The following GRIN3A variants were observed in gnomAD, a reference collection of about 807,000 sequenced individuals.
The protein encoded by GRIN3A is glutamate ionotropic receptor NMDA type subunit 3A.
Under a neutral mutation model 92.4 loss-of-function variants are expected in GRIN3A, and 47 were observed. That is an observed-to-expected ratio of 0.51 (90% CI 0.40 to 0.65). GRIN3A has a LOEUF of 0.65. GRIN3A is among the 30% of genes least tolerant of loss of function. The probability of loss-of-function intolerance (pLI) is 0.00; values close to 1 mark genes in which losing one functional copy is unlikely to be tolerated. For synonymous variants in GRIN3A, 527 were observed against 540.6 expected, an observed-to-expected ratio of 0.97 and a Z score of 0.35; for missense variants, 1,324 against 1,393.1, an observed-to-expected ratio of 0.95 and a Z score of 0.79.
chr9:101,677,431 A>G (rs62576304), intron 2 of GRIN3A, among the ~76,000 whole-genome samples: 35,588 of 151,634 alleles, frequency 0.23, 4,510 homozygotes, highest in East Asian at 0.56. Flanking sequence ...TTTGTATAGC[A>G]GAAATGCCAA....
intron 1 of GRIN3A, among the ~76,000 whole-genome samples, chr9:101,719,638 G>A (rs1829987662): frequency 6.6e-6 from 1 of 152,070 alleles, no homozygotes; most frequent in Admixed American, 6.6e-5. Context: ...TGAGCTCAGG[G>A]CTAAATCCTG....
chr9:101,695,439 C>T (rs1337003226), intron 1 of GRIN3A, among the ~76,000 whole-genome samples: 1 of 152,138 alleles, frequency 6.6e-6, no homozygotes, highest in Non-Finnish European at 1.5e-5. Flanking sequence ...CAGTTTGAGC[C>T]AGTCTAAAAG....
intron 2 of GRIN3A, among the ~76,000 whole-genome samples, chr9:101,685,446 A>C (rs1389355593): frequency 6.6e-6 from 1 of 151,934 alleles, no homozygotes; most frequent in Non-Finnish European, 1.5e-5. Context: ...GCCTAAAAAC[A>C]GGGCCTAGTC....
chr9:101,687,265 CT>C, intron 1 of GRIN3A, 65 bp from the exon 2 acceptor site: 1 of 1,519,178 alleles, frequency 6.6e-7, no homozygotes, highest in Admixed American at 1.7e-5. Flanking sequence ...ACATAGGGTA[CT>C]TTTGCTTTCT....
Position 101,608,324 on chromosome 9 carries a change from A to G in GRIN3A, c.2766+5052T>C, listed in dbSNP as rs571011535. Among the ~76,000 whole-genome samples, 4 of 152,246 alleles carry G rather than the reference A, an allele frequency of 2.6e-5. No individual in the cohort carries two copies. In the South Asian group the frequency reaches 8.3e-4, roughly 32 times the overall value. ...GCCCAACATTGCCTGGACAAGCACA[A>G]CTTGATCCTGATATTAGCCTTTTAT... is the stretch of plus-strand genomic sequence containing the variant. On this transcript the variant is annotated intron_variant, in intron 6 of 8. Coordinates refer to ENST00000361820, the MANE Select transcript of GRIN3A (RefSeq NM_133445.3).
At chr9:101,721,485 C>T (rs564137340) in intron 1 of GRIN3A, among the ~76,000 whole-genome samples, 31 of 152,178 alleles carry the variant, frequency 2.0e-4, no homozygotes, top group Admixed American at 1.5e-3. Flanking sequence ...AATGTGGAAG[C>T]GACTTTGGAA....
chr9:101,700,536 A>G (rs1459103474), intron 1 of GRIN3A, among the ~76,000 whole-genome samples: 1 of 152,170 alleles, frequency 6.6e-6, no homozygotes, highest in Non-Finnish European at 1.5e-5. Flanking sequence ...TGCAAACTCA[A>G]TGTGTGTCCT....
chr9:101,590,440 G>C (rs1471534443), intron 6 of GRIN3A, among the ~76,000 whole-genome samples: 1 of 151,798 alleles, frequency 6.6e-6, no homozygotes, highest in African/African-American at 2.4e-5. Context: ...GGAGTGCAGT[G>C]GTGTGATCTC....
At chr9:101,644,115 A>T (rs1828901801) in intron 3 of GRIN3A, among the ~76,000 whole-genome samples, 1 of 151,944 alleles carries the variant, frequency 6.6e-6, no homozygotes, top group Non-Finnish European at 1.5e-5. Flanking sequence ...CATATATAAA[A>T]CATGTTAGAA....
At chr9:101,701,252 G>A (rs1240701759) in intron 1 of GRIN3A, among the ~76,000 whole-genome samples, 1 of 152,102 alleles carries the variant, frequency 6.6e-6, no homozygotes, top group African/African-American at 2.4e-5. Context: ...ACATGTGCAG[G>A]ATGTGCAGAT....
chr9:101,684,321 C>T (rs1829503719), intron 2 of GRIN3A, among the ~76,000 whole-genome samples: 1 of 132,104 alleles, frequency 7.6e-6, no homozygotes, highest in Non-Finnish European at 1.5e-5. Context: ...ACCATATTGG[C>T]CAGGATGGTC....
At chr9:101,602,852 AG>A (rs1026864775) in intron 6 of GRIN3A, 4 of 147,778 alleles carry the variant, frequency 2.7e-5, no homozygotes, top group East Asian at 2.1e-4. Flanking sequence ...GATGATACGG[AG>A]GGAGGGGAAA....
chr9:101,670,966 G>T lies in GRIN3A; in HGVS notation c.1446C>A (p.Gly482=). ...TGACAATCTTTCCCCCCTGCCAGCT[G>T]CCCAAGCGGGTCCACATTGGCTTTC... ...PMGKPMWTRL[G]SWQGGKIVMD... Residue 482 remains glycine (G), a synonymous_variant, in exon 3 of 9, where the codon GGC becomes GGA. Coordinates refer to ENST00000361820, the MANE Select transcript of GRIN3A (RefSeq NM_133445.3). 1 of 1,613,992 alleles carries T rather than the reference G, an allele frequency of 6.2e-7. No homozygotes were observed. The highest frequency in any genetic ancestry group is 1.1e-5 in the South Asian group (1 of 91,080).
At chr9:101,575,545 T>C in intron 8 of GRIN3A, among the ~76,000 whole-genome samples, 1 of 152,180 alleles carries the variant, frequency 6.6e-6, no homozygotes, top group East Asian at 1.9e-4. Context: ...CCCAGGGCTA[T>C]ATATAAATCA....
At chr9:101,661,810 C>T (rs1378491115) in intron 3 of GRIN3A, among the ~76,000 whole-genome samples, 1 of 151,790 alleles carries the variant, frequency 6.6e-6, no homozygotes, top group East Asian at 1.9e-4. Context: ...ATTGCATAAA[C>T]CCAGCTTCCC....
intron 3 of GRIN3A, among the ~76,000 whole-genome samples, chr9:101,630,884 C>T (rs7027241): frequency 0.032 from 4,927 of 152,242 alleles, 247 homozygotes; most frequent in African/African-American, 0.11. Flanking sequence ...ACCTTTGGCA[C>T]CTTGCAGGTA....
At chr9:101,673,095 G>A (rs2118956207) in intron 2 of GRIN3A, among the ~76,000 whole-genome samples, 1 of 152,234 alleles carries the variant, frequency 6.6e-6, no homozygotes, top group African/African-American at 2.4e-5. Context: ...AAAGTAAAGA[G>A]GAAGTTGTGG....
chr9:101,652,301 T>C (rs531351183), intron 3 of GRIN3A, among the ~76,000 whole-genome samples: 40 of 152,022 alleles, frequency 2.6e-4, no homozygotes, highest in African/African-American at 8.9e-4. Flanking sequence ...CCAGCAAATG[T>C]TTATCAAGTG....
intron 3 of GRIN3A, among the ~76,000 whole-genome samples, chr9:101,643,459 A>C (rs1382516132): frequency 6.6e-6 from 1 of 152,120 alleles, no homozygotes; most frequent in Non-Finnish European, 1.5e-5. Flanking sequence ...TGGTATTGTA[A>C]AATGATTCAG....
Sources: gnomAD v4.1 joint callset for allele counts (sites outside exome capture counted in the v4.1 genomes callset) on GRCh38, gnomAD v4.1.1 for gene constraint, MANE v1.5 for transcripts, NCBI Gene and HGNC (gene_info 2026-07-23, HGNC 2026-07-21) for gene names.